Variants in SLC24A4 observed in about 807,000 individuals in gnomAD.
SLC24A4 encodes sodium/potassium/calcium exchanger 4.
In SLC24A4, 53 loss-of-function variants were observed where a neutral mutation model predicts 79.0. The ratio of observed to expected loss-of-function variants is 0.67; its 90% CI spans 0.54 to 0.84. The LOEUF is 0.84. Among genes scored for constraint, SLC24A4 ranks in the 40% least tolerant of loss-of-function variants. The pLI, the probability that SLC24A4 is intolerant of heterozygous loss-of-function variation, is 0.00. For missense variants in SLC24A4, 731 were observed against 822.0 expected (o/e 0.89, Z 1.35); for synonymous variants, 323 against 323.8 (o/e 1.00, Z 0.03).
At chr14:92,453,390 T>A (rs1171018829) in intron 10 of SLC24A4, 3 of 152,678 alleles carry the variant, frequency 2.0e-5, no homozygotes, top group African/African-American at 7.2e-5. Context: ...ACAGAGCAGG[T>A]GGCCTCGTAG....
Position 92,325,881 on chromosome 14 carries a change from T to C in SLC24A4, c.144T>C (p.Ala48=), listed in dbSNP as rs771456261. The change falls in exon 2 of 17, where the codon GCT becomes GCC. Residue 48 remains alanine (A), a synonymous_variant. Transcript: ENST00000532405. The part of the protein sequence containing the change: ...GLFGSLGHKT[A]SASKRVLPDT... ...TTTCCAATCCAGGGCACAAAACAGC[T>C]TCTGCTAGCAAACGTGTCCTGCCAG... is the stretch of plus-strand genomic sequence containing the variant. 1 of 1,609,632 alleles carries C rather than the reference T, an allele frequency of 6.2e-7. No individual in the cohort carries two copies. The highest frequency in any genetic ancestry group is 8.5e-7 in the Non-Finnish European group (1 of 1,177,838).
chr14:92,369,736 A>G (rs1410677204), intron 2 of SLC24A4, among the ~76,000 whole-genome samples: 4 of 152,160 alleles, frequency 2.6e-5, no homozygotes, highest in Non-Finnish European at 5.9e-5. Context: ...GCTGTCCTGT[A>G]CATTATAGGA....
chr14:92,433,946 T>C lies in SLC24A4; in HGVS notation c.276T>C (p.Asn92=). 1 of 1,614,138 alleles carries C rather than the reference T, an allele frequency of 6.2e-7. No homozygotes were observed. The highest frequency in any genetic ancestry group is 8.5e-7 in the Non-Finnish European group (1 of 1,180,008). ...AGTTCCCCACAGATCTGTTCTCCAA[T>C]AAGGAGCGACAGCACGGAGCCGTCC... The part of the protein sequence containing the change: ...IHEFPTDLFS[N]KERQHGAVLL... The change falls in exon 3 of 17, where the codon AAT becomes AAC. Residue 92 remains asparagine, a synonymous_variant. Transcript: ENST00000532405.
chr14:92,484,269 C>G, intron 13 of SLC24A4: 1 of 985,374 alleles, frequency 1.0e-6, no homozygotes, highest in Non-Finnish European at 1.2e-6. Flanking sequence ...TGGCCGGCTC[C>G]CTCACCTCAG....
intron 4 of SLC24A4, among the ~76,000 whole-genome samples, chr14:92,440,127 C>T (rs1440801289): frequency 6.6e-6 from 1 of 152,158 alleles, no homozygotes; most frequent in Non-Finnish European, 1.5e-5. Flanking sequence ...CAGGTGCTTC[C>T]CCGTGACTTT....
intron 7 of SLC24A4, 114 bp downstream of exon 7, chr14:92,443,588 T>C (rs1892626113): frequency 9.5e-7 from 1 of 1,052,558 alleles, no homozygotes; most frequent in South Asian, 1.4e-5. Context: ...CAGCACACAA[T>C]AGTGGGGTGT....
Position 92,456,570 on chromosome 14 carries a change from C to T in SLC24A4, c.1217C>T (p.Pro406Leu), listed in dbSNP as rs1010204784. Residue 406 changes from proline (P) to leucine (L), a missense_variant, in exon 12 of 17, where the codon CCG becomes CTG. Coordinates refer to ENST00000532405, the MANE Select transcript of SLC24A4 (RefSeq NM_153646.4). Reference sequence around the variant, plus strand: ...CAGCCACCACCGCCAGAGCCAGAGCCGGTGGAGGCTGACTTCCTGTCCCCC... The same window carrying T: ...CAGCCACCACCGCCAGAGCCAGAGCTGGTGGAGGCTGACTTCCTGTCCCCC... Reference protein sequence around the residue: ...PPQPPPPEPEPVEADFLSPFS... With the variant: ...PPQPPPPEPELVEADFLSPFS... 2.0e-5 allele frequency: 33 copies of T among 1,613,870 alleles called. No homozygotes were observed. The highest frequency in any genetic ancestry group is 5.3e-5 in the African/African-American group (4 of 74,910).
intron 9 of SLC24A4, among the ~76,000 whole-genome samples, chr14:92,448,605 G>T (rs544297248): frequency 6.6e-6 from 1 of 152,182 alleles, no homozygotes; most frequent in Admixed American, 6.5e-5. Flanking sequence ...CCCGCCTGAG[G>T]TTCTTTGAGA....
intron 2 of SLC24A4, among the ~76,000 whole-genome samples, chr14:92,403,370 G>A (rs1350891249): frequency 2.0e-5 from 3 of 152,040 alleles, no homozygotes; most frequent in African/African-American, 7.2e-5. Context: ...CACTTTGGGA[G>A]GCTGAGGTGG....
chr14:92,480,539 C>T lies in SLC24A4; in HGVS notation c.1256-2141C>T, dbSNP rs369983042. Among the ~76,000 whole-genome samples the T allele has an allele frequency of 3.7e-3, 561 of 151,140 alleles. 2 individuals carry two copies. Among genetic ancestry groups the T allele is most frequent in the African/African-American group, 0.012 (496 of 41,166 alleles). The stretch of plus-strand genomic sequence containing the variant: ...CGATCTCCTGACCTCATGATCCACC[C>T]GCCTCGGCCTCCCAAAGTGCTGGGA... On this transcript the variant is annotated intron_variant, in intron 12 of 16. Transcript: ENST00000532405.
At chr14:92,479,821 A>C (rs1442558311) in intron 12 of SLC24A4, among the ~76,000 whole-genome samples, 2 of 152,234 alleles carry the variant, frequency 1.3e-5, no homozygotes, top group African/African-American at 4.8e-5. Flanking sequence ...AGTCACCATG[A>C]AGCCATCTGG....
At chr14:92,492,136 C>T (rs1389243996) in intron 15 of SLC24A4, 39 bp from the exon 16 acceptor site, 2 of 1,585,766 alleles carry the variant, frequency 1.3e-6, no homozygotes, top group South Asian at 2.2e-5. Context: ...TGGCTCTGAG[C>T]AGTCAAGAGA....
intron 2 of SLC24A4, among the ~76,000 whole-genome samples, chr14:92,360,308 T>C (rs1426626052): frequency 6.6e-6 from 1 of 152,122 alleles, no homozygotes; most frequent in Non-Finnish European, 1.5e-5. Context: ...CCATCGTAGC[T>C]CATTGTGGCC....
At chr14:92,456,176 C>T (rs776193646) in intron 11 of SLC24A4, among the ~76,000 whole-genome samples, 1 of 152,192 alleles carries the variant, frequency 6.6e-6, no homozygotes, top group Non-Finnish European at 1.5e-5. Flanking sequence ...AGGGGTGGCC[C>T]AGGCCCTCTG....
At position 92,449,061 on chromosome 14, in the gene SLC24A4, C is replaced by T. The variant is rs779872436; in HGVS notation, c.738-13C>T. 6 of 1,613,930 alleles carry T rather than the reference C, an allele frequency of 3.7e-6. No individual in the cohort carries two copies. The highest frequency in any genetic ancestry group is 5.1e-6 in the Non-Finnish European group (6 of 1,179,868). On this transcript the variant is annotated splice_polypyrimidine_tract_variant and intron_variant, in intron 9 of 16. Transcript: ENST00000532405. Reference sequence around the variant, plus strand: ...TTCCATTGCCCTGACCTCCTGCCTCCCCTCGCTTCCAGGTACAATGTGAAG... The same window carrying T: ...TTCCATTGCCCTGACCTCCTGCCTCTCCTCGCTTCCAGGTACAATGTGAAG...
chr14:92,427,039 T>C (rs1566758430), intron 2 of SLC24A4, among the ~76,000 whole-genome samples: 1 of 152,214 alleles, frequency 6.6e-6, no homozygotes, highest in South Asian at 2.1e-4. Flanking sequence ...CCAAAGAGAA[T>C]TGACTAATTG....
Position 92,445,323 on chromosome 14 carries a change from T to C in SLC24A4, c.664T>C (p.Tyr222His), listed in dbSNP as rs779972992. The change falls in exon 8 of 17, where the codon TAT (tyrosine) becomes CAT (histidine). Residue 222 changes from tyrosine to histidine, a missense_variant. Transcript: ENST00000532405. ...TGTTTCTTTTGCCTTACAGTTCATA[T>C]ATGATGAACAAATTGTGTGGTAAGT... Reference protein sequence around the residue: ...ISVIVLIVFIYDEQIVWWEGL... With the variant: ...ISVIVLIVFIHDEQIVWWEGL... 2 of 1,614,180 alleles carry C rather than the reference T, an allele frequency of 1.2e-6. No homozygotes were observed. The highest frequency in any genetic ancestry group is 1.7e-6 in the Non-Finnish European group (2 of 1,179,978).
Position 92,441,940 on chromosome 14 carries a change from C to A in SLC24A4, c.394-149C>A. The A allele has an allele frequency of 1.8e-6, 1 of 552,282 alleles. No homozygotes were observed. Among genetic ancestry groups the A allele is most frequent in the Non-Finnish European group, 3.3e-6 (1 of 306,028 alleles). 34.2% of individuals were successfully genotyped at this position (552,282 alleles called of 1,614,324 possible). On this transcript the variant is annotated intron_variant, in intron 4 of 16. Coordinates refer to ENST00000532405, the MANE Select transcript of SLC24A4 (RefSeq NM_153646.4). The surrounding 1 kb of genome is among the most constrained non-coding windows in gnomAD (Gnocchi z 4.6). ...AGGGCAGATGGCAGAGGGCACACAGCATGTGCCCAGGGGTGAGAGGCTGCA... is the reference window on the plus strand; with the variant it reads ...AGGGCAGATGGCAGAGGGCACACAGAATGTGCCCAGGGGTGAGAGGCTGCA...
chr14:92,466,555 A>G (rs1894132359), intron 12 of SLC24A4, among the ~76,000 whole-genome samples: 1 of 152,226 alleles, frequency 6.6e-6, no homozygotes, highest in Non-Finnish European at 1.5e-5. Flanking sequence ...AAAAAATAAT[A>G]AAAATACCAA....
Sources: allele counts gnomAD v4.1 joint callset (sites outside exome capture counted in the v4.1 genomes callset), GRCh38; gene constraint gnomAD v4.1.1; non-coding constraint Gnocchi (gnomAD v3.1); transcripts MANE v1.5; gene names NCBI Gene and HGNC (gene_info 2026-07-23, HGNC 2026-07-21).